The following HPSE2 variants were observed in gnomAD, a reference collection of about 807,000 sequenced individuals.
HPSE2 encodes inactive heparanase-2.
HPSE2 carries 38 observed loss-of-function variants against 60.5 expected under a neutral mutation model. The ratio of observed to expected loss-of-function variants is 0.63; its 90% CI spans 0.48 to 0.82. HPSE2 has a LOEUF of 0.82. Ranked by LOEUF, HPSE2 falls within the 40% of genes least tolerant of loss-of-function variation. The probability of loss-of-function intolerance (pLI) is 0.00; values close to 1 mark genes in which losing one functional copy is unlikely to be tolerated. For missense variants in HPSE2, 713 were observed against 740.4 expected, an observed-to-expected ratio of 0.96 and a Z score of 0.43; for synonymous variants, 295 against 293.2, an observed-to-expected ratio of 1.01 and a Z score of -0.06.
chr10:98,880,334 A>T (rs57931927), intron 3 of HPSE2, among the ~76,000 whole-genome samples: 2,902 of 151,826 alleles, frequency 0.019, 101 homozygotes, highest in East Asian at 0.15. Context: ...GTATCCTGCA[A>T]CTCTTTTTTG....
chr10:99,224,448 C>T (rs2133936430), intron 2 of HPSE2, among the ~76,000 whole-genome samples: 1 of 151,978 alleles, frequency 6.6e-6, no homozygotes, highest in Middle Eastern at 3.4e-3. Context: ...CACACACACA[C>T]ACACATAGCT....
rs577412785 is a variant in HPSE2 at position 98,875,766 on chromosome 10, G to A, written c.611-131710C>T. 1.9e-4 allele frequency among the ~76,000 whole-genome samples: 29 copies of A among 152,034 alleles called. No homozygotes were observed. The South Asian group carries it at 3.7e-3, about 20-fold the overall frequency. On this transcript the variant is annotated intron_variant, in intron 3 of 11. Transcript: ENST00000370552. ...GAAGTTATTCTAGTTTCAATCCTCC[G>A]TGAATTCTATTTGCATCAAATAAAC...
chr10:99,196,712 AC>A (rs1194573065), intron 2 of HPSE2, among the ~76,000 whole-genome samples: 1 of 152,188 alleles, frequency 6.6e-6, no homozygotes, highest in African/African-American at 2.4e-5. Flanking sequence ...ACAGGCAATA[AC>A]AAATGCTGGC....
At chr10:98,960,322 TA>T (rs1187957041) in intron 3 of HPSE2, among the ~76,000 whole-genome samples, 1 of 152,186 alleles carries the variant, frequency 6.6e-6, no homozygotes, top group East Asian at 1.9e-4. Context: ...ACTACCTAGA[TA>T]GAATTTAATA....
At chr10:99,117,206 T>C (rs1255744998) in intron 3 of HPSE2, among the ~76,000 whole-genome samples, 5 of 150,754 alleles carry the variant, frequency 3.3e-5, no homozygotes, top group Non-Finnish European at 7.4e-5. Context: ...ATTAATTAAT[T>C]AATAAATTAA....
chr10:99,013,635 C>T lies in HPSE2; in HGVS notation c.610+130603G>A, dbSNP rs1454270444. ...TACAGGTGCGTGCCACCATGCCCACCTAATTTTTGTATTTTTAGTAGAGAC... is the reference window on the plus strand; with the variant it reads ...TACAGGTGCGTGCCACCATGCCCACTTAATTTTTGTATTTTTAGTAGAGAC... On this transcript the variant is annotated intron_variant, in intron 3 of 11. Transcript: ENST00000370552. 9 of 213,282 alleles carry T rather than the reference C, an allele frequency of 4.2e-5. No homozygotes were observed. In the East Asian group the frequency reaches 1.2e-3, roughly 30 times the overall value. 13.2% of individuals were successfully genotyped at this position (213,282 alleles called of 1,614,324 possible). A position where few individuals can be genotyped will look rare whatever the true frequency, so the allele number is the denominator to read the frequency against.
intron 9 of HPSE2, among the ~76,000 whole-genome samples, chr10:98,612,360 A>C (rs983400045): frequency 1.3e-5 from 2 of 152,236 alleles, no homozygotes; most frequent in Non-Finnish European, 2.9e-5. Flanking sequence ...CAATAATGTC[A>C]CAGAACCTTA....
chr10:98,640,985 G>A (rs1186732584), intron 7 of HPSE2, among the ~76,000 whole-genome samples: 2 of 152,180 alleles, frequency 1.3e-5, no homozygotes, highest in African/African-American at 4.8e-5. Flanking sequence ...TAGTACTCAA[G>A]TCTGAGAATC....
At chr10:98,935,658 A>G (rs1165260803) in intron 3 of HPSE2, among the ~76,000 whole-genome samples, 1 of 144,088 alleles carries the variant, frequency 6.9e-6, no homozygotes, top group Non-Finnish European at 1.5e-5. Context: ...CTTCCTCTGG[A>G]AGCTTCATCC....
At chr10:99,281,867 A>C in the HPSE2 span, among the ~76,000 whole-genome samples, 1 of 152,314 alleles carries the variant, frequency 6.6e-6, no homozygotes, top group East Asian at 1.9e-4. Flanking sequence ...GTTGAAAGTA[A>C]GAGGATAGAA....
intron 9 of HPSE2, among the ~76,000 whole-genome samples, chr10:98,533,347 GA>G: frequency 6.6e-6 from 1 of 152,344 alleles, no homozygotes; most frequent in African/African-American, 2.4e-5. Flanking sequence ...GGGACAGTTT[GA>G]AGATAGAATA....
chr10:98,514,757 C>T (rs1942540961), intron 9 of HPSE2, among the ~76,000 whole-genome samples: 1 of 138,546 alleles, frequency 7.2e-6, no homozygotes, highest in Non-Finnish European at 1.5e-5. Flanking sequence ...CTTGCTCTTT[C>T]ACCCAGGCTG....
chr10:99,005,860 C>G (rs1956880100), intron 3 of HPSE2, among the ~76,000 whole-genome samples: 1 of 152,136 alleles, frequency 6.6e-6, no homozygotes. Context: ...AGTTGTCTGG[C>G]ATTCTGAGTA....
intron 3 of HPSE2, among the ~76,000 whole-genome samples, chr10:98,914,277 C>G (rs1033425440): frequency 1.3e-5 from 2 of 152,066 alleles, no homozygotes; most frequent in Non-Finnish European, 2.9e-5. Flanking sequence ...GTGACTTGCT[C>G]CTCCTTGCTT....
chr10:98,595,239 G>A (rs1216612735), intron 9 of HPSE2, among the ~76,000 whole-genome samples: 2 of 143,844 alleles, frequency 1.4e-5, no homozygotes, highest in Non-Finnish European at 3.0e-5. Flanking sequence ...GTGCAATCTC[G>A]GCTCACTGCA....
At chr10:98,606,310 A>T (rs1382034019) in intron 9 of HPSE2, among the ~76,000 whole-genome samples, 1 of 152,242 alleles carries the variant, frequency 6.6e-6, no homozygotes, top group Non-Finnish European at 1.5e-5. Flanking sequence ...GGGCAATGTA[A>T]ACCTCTAATA....
rs981029 is a variant in HPSE2 at position 98,570,794 on chromosome 10, C to T, written c.1320+44110G>A. Among the ~76,000 whole-genome samples the T allele has an allele frequency of 2.9e-3, 427 of 149,136 alleles. 10 individuals carry two copies. Among genetic ancestry groups the T allele is most frequent in the Admixed American group, 0.025 (365 of 14,642 alleles). On this transcript the variant is annotated intron_variant, in intron 9 of 11. Coordinates refer to ENST00000370552, the MANE Select transcript of HPSE2 (RefSeq NM_021828.5). ...GGTCAACTGCAGTCCCATTATAACA[C>T]GCACCTCATGTCTTCTGGCTCTAAG...
chr10:98,989,787 A>G (rs995362196), intron 3 of HPSE2, among the ~76,000 whole-genome samples: 3 of 152,108 alleles, frequency 2.0e-5, no homozygotes, highest in Admixed American at 6.5e-5. Flanking sequence ...GCAGGCTTGG[A>G]GAATGTATAT....
chr10:99,039,310 T>C (rs928185044), intron 3 of HPSE2, among the ~76,000 whole-genome samples: 2 of 152,068 alleles, frequency 1.3e-5, no homozygotes, highest in African/African-American at 4.8e-5. Flanking sequence ...AGTAGATACA[T>C]AGATCTAAGT....
Sources: gnomAD v4.1 joint callset for allele counts (sites outside exome capture counted in the v4.1 genomes callset) on GRCh38, gnomAD v4.1.1 for gene constraint, MANE v1.5 for transcripts, NCBI Gene and HGNC (gene_info 2026-07-23, HGNC 2026-07-21) for gene names.